The following MTMR7 variants were observed in gnomAD, a reference collection of about 807,000 sequenced individuals.
MTMR7 encodes the protein phosphatidylinositol-3-phosphate phosphatase MTMR7.
A neutral mutation model predicts 81.2 loss-of-function variants in MTMR7; 76 were observed. The observed-to-expected ratio is 0.94, with a 90% CI of 0.78 to 1.13. The LOEUF is 1.13. Among genes scored for constraint, MTMR7 ranks in the 50% most tolerant of loss-of-function variants. MTMR7 has a pLI of 0.00. For synonymous variants in MTMR7, 372 were observed against 289.8 expected, an observed-to-expected ratio of 1.28 and a Z score of -2.88; for missense variants, 1,044 against 820.0, an observed-to-expected ratio of 1.27 and a Z score of -3.34.
At chr8:17,301,234 G>C (rs1023723919) in intron 13 of MTMR7, among the ~76,000 whole-genome samples, 16 of 152,184 alleles carry the variant, frequency 1.1e-4, no homozygotes, top group African/African-American at 3.9e-4. Context: ...AGCAGAGAGA[G>C]GCAGAGTTCA....
Position 17,300,085 on chromosome 8 carries a change from T to C in MTMR7, c.1760A>G (p.Lys587Arg), listed in dbSNP as rs774897870. The part of the protein sequence containing the change: ...NTPQDYSGNM[K>R]SFPSRSPSQG... ...TGAAGGGCTCCGGGATGGAAATGATTTCATATTCCCACTGTAATCCTGGGG... is the reference window on the plus strand; with the variant it reads ...TGAAGGGCTCCGGGATGGAAATGATCTCATATTCCCACTGTAATCCTGGGG... Residue 587 changes from lysine to arginine, a missense_variant, in exon 14 of 14, where the codon AAA (lysine) becomes AGA (arginine). Physicochemically the swap from Lys to Arg is conservative, Grantham distance 26. Transcript: ENST00000180173. The C allele has an allele frequency of 6.2e-7, 1 of 1,614,158 alleles. No homozygotes were observed. The highest frequency in any genetic ancestry group is 1.1e-5 in the South Asian group (1 of 91,082).
At chr8:17,397,507 G>A (rs1413989987) in intron 1 of MTMR7, among the ~76,000 whole-genome samples, 1 of 152,198 alleles carries the variant, frequency 6.6e-6, no homozygotes, top group Non-Finnish European at 1.5e-5. Flanking sequence ...AGAGGGAAGA[G>A]CAGGACAGAC....
chr8:17,322,817 C>G (rs1296530891), intron 7 of MTMR7, among the ~76,000 whole-genome samples: 1 of 151,904 alleles, frequency 6.6e-6, no homozygotes, highest in East Asian at 1.9e-4. Flanking sequence ...ACAGGGAGAC[C>G]CTCTCTCTTA....
rs1435645983 is a variant in MTMR7 at position 17,360,980 on chromosome 8, C to T, written c.468+137G>A. 3.1e-6 allele frequency: 3 copies of T among 978,842 alleles called. No individual in the cohort carries two copies. In the African/African-American group the frequency reaches 4.9e-5, roughly 16 times the overall value. The allele number at this position is 978,842 out of a possible 1,614,324, so 60.6% of individuals were successfully genotyped here. ...AGGTTGTAAATACAGCTGGCACTAACCAAGAGAGACCTGGAAATCCACATA... is the reference window on the plus strand; with the variant it reads ...AGGTTGTAAATACAGCTGGCACTAATCAAGAGAGACCTGGAAATCCACATA... On this transcript the variant is annotated intron_variant, in intron 4 of 13. Transcript: ENST00000180173.
At position 17,304,407 on chromosome 8, in the gene MTMR7, G is replaced by C; in HGVS notation, c.1465C>G (p.Pro489Ala). 4 of 1,613,932 alleles carry C rather than the reference G, an allele frequency of 2.5e-6. No homozygotes were observed. Among genetic ancestry groups the C allele is most frequent in the Non-Finnish European group, 2.5e-6 (3 of 1,179,868 alleles). Residue 489 changes from proline (P) to alanine (A), a missense_variant, in exon 12 of 14, where the codon CCT becomes GCT. Physicochemically the swap from Pro to Ala is conservative, Grantham distance 27 (BLOSUM62 -1). Coordinates refer to ENST00000180173, the MANE Select transcript of MTMR7 (RefSeq NM_004686.5). Reference sequence around the variant, plus strand: ...TACATGAAGTTACATGGTGTTGTAGGGAGATGAAGGGTTCCCTGAGTCTGG... The same window carrying C: ...TACATGAAGTTACATGGTGTTGTAGCGAGATGAAGGGTTCCCTGAGTCTGG... ...HSQTQGTLHLPTTPCNFMYKF... is the reference protein window; with the variant it reads ...HSQTQGTLHLATTPCNFMYKF...
chr8:17,326,581 TA>T (rs1818691900), intron 7 of MTMR7: 1 of 152,210 alleles, frequency 6.6e-6, no homozygotes, highest in African/African-American at 2.4e-5. Flanking sequence ...AGGATGTTTT[TA>T]AAAGACAATT....
intron 7 of MTMR7, among the ~76,000 whole-genome samples, chr8:17,325,619 A>G (rs1818642850): frequency 6.6e-6 from 1 of 152,152 alleles, no homozygotes; most frequent in Non-Finnish European, 1.5e-5. Context: ...CTCTGGGCTC[A>G]CTTCCCCTGC....
intron 3 of MTMR7, among the ~76,000 whole-genome samples, chr8:17,364,451 T>TA (rs1175025155): frequency 6.6e-6 from 1 of 152,218 alleles, no homozygotes; most frequent in Non-Finnish European, 1.5e-5. Context: ...AATTTACTCT[T>TA]AGCGTTTCGA....
chr8:17,348,924 G>A (rs1463259616), intron 5 of MTMR7, 29 bp downstream of exon 5: 2 of 1,612,920 alleles, frequency 1.2e-6, no homozygotes, highest in African/African-American at 1.3e-5. Context: ...AAAGCAAAGT[G>A]TAAAACAAAA....
intron 7 of MTMR7, among the ~76,000 whole-genome samples, chr8:17,323,441 G>T (rs1818511222): frequency 6.6e-6 from 1 of 152,026 alleles, no homozygotes; most frequent in African/African-American, 2.4e-5. Flanking sequence ...GGGTTTAAGG[G>T]ATGCTAAAAT....
intron 4 of MTMR7, chr8:17,349,563 A>G (rs1312414953): frequency 6.4e-6 from 1 of 155,984 alleles, no homozygotes; most frequent in African/African-American, 2.4e-5. Flanking sequence ...ACATCACACA[A>G]GCTGATGCCT....
rs1816748217 is a variant in MTMR7 at position 17,297,366 on chromosome 8, A to G, written c.*2496T>C. 6.6e-6 allele frequency: 1 copy of G among 152,098 alleles called. No homozygotes were observed. Among genetic ancestry groups the G allele is most frequent in the South Asian group, 2.1e-4 (1 of 4,832 alleles). 9.4% of individuals were successfully genotyped at this position (152,098 alleles called of 1,614,324 possible). On this transcript the variant is annotated 3_prime_UTR_variant, in exon 14 of 14. Coordinates refer to ENST00000180173, the MANE Select transcript of MTMR7 (RefSeq NM_004686.5). ...TTGAGACTAGGAAATTTATATCAGA[A>G]TAGAGGGTGCTTGACACATATATAT...
chr8:17,351,846 A>G (rs1463345872), intron 4 of MTMR7, among the ~76,000 whole-genome samples: 1 of 152,234 alleles, frequency 6.6e-6, no homozygotes, highest in East Asian at 1.9e-4. Context: ...CCAAGCTAGA[A>G]GCATGGATAT....
chr8:17,404,818 T>C (rs1288613502), intron 1 of MTMR7, among the ~76,000 whole-genome samples: 1 of 151,776 alleles, frequency 6.6e-6, no homozygotes, highest in Non-Finnish European at 1.5e-5. Flanking sequence ...TGTTTTGTTG[T>C]TGTTTTGTTT....
At chr8:17,355,951 A>G (rs1819877275) in intron 4 of MTMR7, among the ~76,000 whole-genome samples, 1 of 152,206 alleles carries the variant, frequency 6.6e-6, no homozygotes, top group Admixed American at 6.5e-5. Context: ...TAAATGAAAC[A>G]ATACCAAAAG....
chr8:17,390,121 T>C (rs1821060859), intron 1 of MTMR7, among the ~76,000 whole-genome samples: 1 of 151,786 alleles, frequency 6.6e-6, no homozygotes, highest in Non-Finnish European at 1.5e-5. Context: ...GTTCTTATAC[T>C]GCCATAAAGA....
At position 17,311,480 on chromosome 8, in the gene MTMR7, C is replaced by T. The variant is rs757085386; in HGVS notation, c.1101+31G>A. 1.2e-5 allele frequency: 19 copies of T among 1,613,686 alleles called. 1 individual carries two copies. The Admixed American group carries it at 3.0e-4, about 25-fold the overall frequency. On this transcript the variant is annotated intron_variant, in intron 9 of 13. Coordinates refer to ENST00000180173, the MANE Select transcript of MTMR7 (RefSeq NM_004686.5). The stretch of plus-strand genomic sequence containing the variant: ...GGGTCCATTCCTGGTCAAGGCACCG[C>T]CTGTGGGAATCGCCCAGTGGCCACA...
At chr8:17,320,456 G>C (rs887836342) in intron 7 of MTMR7, among the ~76,000 whole-genome samples, 1 of 152,148 alleles carries the variant, frequency 6.6e-6, no homozygotes, top group Non-Finnish European at 1.5e-5. Context: ...GCTGAGAAGG[G>C]AGAGCTGGCT....
rs371753010 is a variant in MTMR7 at position 17,363,075 on chromosome 8, G to A, written c.311-1801C>T. On this transcript the variant is annotated intron_variant, in intron 3 of 13. Coordinates refer to ENST00000180173, the MANE Select transcript of MTMR7 (RefSeq NM_004686.5). ...ACTATTTGGACAAATAACAAAATAC[G>A]CACATCCAGGCGTGCTCACACACAA... 4.9e-4 allele frequency among the ~76,000 whole-genome samples: 75 copies of A among 152,260 alleles called. 1 individual carries two copies. The highest frequency in any genetic ancestry group is 1.3e-3 in the African/African-American group (55 of 41,560).
Sources: allele counts gnomAD v4.1 joint callset (sites outside exome capture counted in the v4.1 genomes callset), GRCh38; gene constraint gnomAD v4.1.1; transcripts MANE v1.5; gene names NCBI Gene and HGNC (gene_info 2026-07-23, HGNC 2026-07-21).